The following MAPRE3 variants were observed in gnomAD, a reference collection of about 807,000 sequenced individuals.
The protein encoded by MAPRE3 is microtubule associated protein RP/EB family member 3.
A neutral mutation model predicts 30.5 loss-of-function variants in MAPRE3; 2 were observed. The observed-to-expected ratio is 0.07, with a 90% confidence interval of 0.03 to 0.21. The LOEUF is 0.21. Among genes scored for constraint, MAPRE3 ranks in the 10% least tolerant of loss-of-function variants. MAPRE3 has a pLI of 1.00. For missense variants in MAPRE3, 204 were observed against 351.8 expected (o/e 0.58, Z 3.36); for synonymous variants, 110 against 127.7 (o/e 0.86, Z 0.93).
chr2:27,024,111 A>G lies in MAPRE3; in HGVS notation c.283A>G (p.Lys95Glu). 1 of 1,613,612 alleles carries G rather than the reference A, an allele frequency of 6.2e-7. No individual in the cohort carries two copies. The highest frequency in any genetic ancestry group is 8.5e-7 in the Non-Finnish European group (1 of 1,179,588). ...TCTATTTCAGATCATTCCTGTAGAG[A>G]AATTAGTGAAAGGAAAATTCCAAGA... Reference protein sequence around the residue: ...MGVDKIIPVEKLVKGKFQDNF... With the variant: ...MGVDKIIPVEELVKGKFQDNF... Residue 95 changes from lysine to glutamate, a missense_variant, in exon 4 of 7, where the codon AAA becomes GAA. This residue lies in a region of MAPRE3 where 101 missense variants were observed against 205.4 expected (regional missense o/e 0.49). Transcript: ENST00000233121.
chr2:26,994,022 G>C (rs1012713267), intron 1 of MAPRE3, among the ~76,000 whole-genome samples: 1 of 152,158 alleles, frequency 6.6e-6, no homozygotes, highest in Non-Finnish European at 1.5e-5. Context: ...TTTGTGTGTG[G>C]GAGCTGTCCA....
chr2:26,971,215 T>C (rs1404673792), intron 1 of MAPRE3, among the ~76,000 whole-genome samples: 3 of 152,166 alleles, frequency 2.0e-5, no homozygotes, highest in African/African-American at 4.8e-5. Context: ...TCCCCAGTGA[T>C]GTGCCAGAAA....
intron 1 of MAPRE3, among the ~76,000 whole-genome samples, chr2:26,973,472 T>G (rs1330845885): frequency 1.3e-5 from 2 of 152,088 alleles, no homozygotes; most frequent in African/African-American, 4.8e-5. Context: ...GCCAACTAAC[T>G]GGCAGCAAAC....
At chr2:27,014,936 A>C (rs1238920721) in intron 1 of MAPRE3, 2 of 152,254 alleles carry the variant, frequency 1.3e-5, no homozygotes, top group Non-Finnish European at 2.9e-5. Flanking sequence ...GGCTCTGTGG[A>C]GTTCTCTCTC....
chr2:27,025,970 G>C lies in MAPRE3; in HGVS notation c.715G>C (p.Glu239Gln), dbSNP rs1429195522. ...TCGTGACATCGAGCTCATCTGCCAG[G>C]AGCATGAAAGTGAAAACAGCCCTGT... ...KLRDIELICQ[E>Q]HESENSPVIS... The change falls in exon 6 of 7, where the codon GAG (glutamate) becomes CAG (glutamine). Residue 239 changes from glutamate (E) to glutamine (Q), a missense_variant. Physicochemically the swap from Glu to Gln is conservative, Grantham distance 29. Coordinates refer to ENST00000233121, the MANE Select transcript of MAPRE3 (RefSeq NM_012326.4). 3 of 1,614,094 alleles carry C rather than the reference G, an allele frequency of 1.9e-6. No homozygotes were observed. The highest frequency in any genetic ancestry group is 2.5e-6 in the Non-Finnish European group (3 of 1,180,044).
At chr2:27,001,322 G>C (rs1666590321) in intron 1 of MAPRE3, among the ~76,000 whole-genome samples, 1 of 152,180 alleles carries the variant, frequency 6.6e-6, no homozygotes, top group African/African-American at 2.4e-5. Flanking sequence ...TAGGCAATTG[G>C]AACATAATGG....
At chr2:26,996,227 A>C (rs1666457152) in intron 1 of MAPRE3, among the ~76,000 whole-genome samples, 1 of 151,602 alleles carries the variant, frequency 6.6e-6, no homozygotes. Context: ...ATCATAGCTC[A>C]CTGCAGCCTG....
chr2:27,011,290 C>G (rs1666849553), intron 1 of MAPRE3, among the ~76,000 whole-genome samples: 1 of 152,206 alleles, frequency 6.6e-6, no homozygotes, highest in Non-Finnish European at 1.5e-5. Context: ...TCCAGAAACC[C>G]TCTAACTGCT....
rs1403639208 is a variant in MAPRE3, at chr2:27,023,346, C to T, written c.136C>T (p.Gln46Ter). ...CTTCTCCACAGGGGCAGCCTACTGC[C>T]AGTTCATGGACATGCTCTTCCCCGG... ...EQLCSGAAYC[Q>*]FMDMLFPGCV... The change falls in exon 3 of 7, where the codon CAG (glutamine) becomes TAG (stop). Residue 46 changes from glutamine to a stop codon, truncating the protein, a stop_gained. Coordinates refer to ENST00000233121, the MANE Select transcript of MAPRE3 (RefSeq NM_012326.4). LOFTEE classifies it high-confidence loss of function. 6.2e-7 allele frequency: 1 copy of T among 1,603,078 alleles called. No homozygotes were observed. The highest frequency in any genetic ancestry group is 2.2e-5 in the East Asian group (1 of 44,566).
intron 1 of MAPRE3, among the ~76,000 whole-genome samples, chr2:27,018,220 C>G (rs1407873550): frequency 1.3e-5 from 2 of 152,206 alleles, no homozygotes; most frequent in Non-Finnish European, 2.9e-5. Flanking sequence ...ACCAGATCAG[C>G]CCCTCTGAGG....
chr2:27,002,984 G>A (rs919105464), intron 1 of MAPRE3: 2 of 152,202 alleles, frequency 1.3e-5, no homozygotes, highest in African/African-American at 4.8e-5. Context: ...TAACAGAGAA[G>A]GCTGAGAAGA....
chr2:26,977,003 G>A (rs1454689739), intron 1 of MAPRE3, among the ~76,000 whole-genome samples: 2 of 152,136 alleles, frequency 1.3e-5, no homozygotes, highest in Admixed American at 6.5e-5. Flanking sequence ...GGTCAGGCTC[G>A]CCCAAATAAA....
intron 1 of MAPRE3, among the ~76,000 whole-genome samples, chr2:26,990,629 G>A (rs931143294): frequency 6.6e-6 from 1 of 152,172 alleles, no homozygotes; most frequent in Non-Finnish European, 1.5e-5. Flanking sequence ...GTTTGAATAT[G>A]TATATAGAAA....
chr2:27,022,471 C>A, intron 2 of MAPRE3, 132 bp downstream of exon 2: 2 of 1,178,382 alleles, frequency 1.7e-6, no homozygotes, highest in Non-Finnish European at 2.4e-6. Context: ...AGAAATGCAT[C>A]CTTAGGCGAT....
At position 27,026,341 on chromosome 2, in the gene MAPRE3, A is replaced by T. The variant is rs769280062; in HGVS notation, c.839A>T (p.Glu280Val). The T allele has an allele frequency of 1.1e-5, 18 of 1,613,712 alleles. No individual in the cohort carries two copies. Among genetic ancestry groups the T allele is most frequent in the Non-Finnish European group, 1.5e-5 (18 of 1,179,814 alleles). Residue 280 changes from glutamate to valine, a missense_variant, in exon 7 of 7, where the codon GAG (glutamate) becomes GTG (valine). This residue lies in a region of MAPRE3 where 26 missense variants were observed against 25.6 expected (regional missense o/e 1.02). Coordinates refer to ENST00000233121, the MANE Select transcript of MAPRE3 (RefSeq NM_012326.4). ...IEEHQQEDQD[E>V]Y is the part of the protein sequence containing the mutation. ...GAGCATCAACAAGAAGACCAGGACG[A>T]GTACTGAGGGCGGCCGCAGCCCTGG...
rs967987507 is a variant in MAPRE3 at position 26,985,081 on chromosome 2, C to T, written c.-8+14279C>T. The stretch of plus-strand genomic sequence containing the variant: ...TTGGCTGAACTGCCTGAGTTTACTG[C>T]AGCATTTGGGAAGGAGTAGAAGGGA... On this transcript the variant is annotated intron_variant, in intron 1 of 6. Coordinates refer to ENST00000233121, the MANE Select transcript of MAPRE3 (RefSeq NM_012326.4). This position sits in a 1 kb window ranked among gnomAD's most constrained non-coding sequence, Gnocchi z 4.2. 6.6e-6 allele frequency: 1 copy of T among 152,198 alleles called. No individual in the cohort carries two copies. The highest frequency in any genetic ancestry group is 2.4e-5 in the African/African-American group (1 of 41,444). 9.4% of individuals were successfully genotyped at this position (152,198 alleles called of 1,614,324 possible).
intron 1 of MAPRE3, among the ~76,000 whole-genome samples, chr2:27,006,204 A>C (rs933802569): frequency 6.6e-6 from 1 of 151,704 alleles, no homozygotes; most frequent in African/African-American, 2.4e-5. Flanking sequence ...AAAAACAAAA[A>C]CAAAAAAAAA....
chr2:26,974,093 A>G (rs1395347427), intron 1 of MAPRE3, among the ~76,000 whole-genome samples: 2 of 152,234 alleles, frequency 1.3e-5, no homozygotes, highest in African/African-American at 4.8e-5. Context: ...TAAACTGTGT[A>G]CACTAGGCAG....
intron 4 of MAPRE3, among the ~76,000 whole-genome samples, chr2:27,025,173 CT>C (rs969641112): frequency 6.6e-6 from 1 of 152,202 alleles, no homozygotes; most frequent in Non-Finnish European, 1.5e-5. Flanking sequence ...GGGACAATGG[CT>C]TTGGGCTGGG....
Sources: allele counts gnomAD v4.1 joint callset (sites outside exome capture counted in the v4.1 genomes callset), GRCh38; gene constraint gnomAD v4.1.1; regional missense constraint gnomAD v4.1.1; non-coding constraint Gnocchi (gnomAD v3.1); transcripts MANE v1.5; gene names NCBI Gene and HGNC (gene_info 2026-07-23, HGNC 2026-07-21).